F13A1: variants seen among roughly 807,000 people sequenced by gnomAD.
F13A1 encodes the protein FSF, A subunit.
F13A1 carries 47 observed loss-of-function variants against 80.1 expected under a neutral mutation model. That is an observed-to-expected ratio of 0.59 (90% CI 0.46 to 0.75). The LOEUF (loss-of-function observed/expected upper bound fraction) is 0.75, where lower values mean the gene tolerates loss of function less well. F13A1 is among the 30% of genes least tolerant of loss of function. F13A1 has a pLI of 0.00. For missense variants in F13A1, 817 were observed against 930.4 expected (o/e 0.88, Z 1.59); for synonymous variants, 349 against 344.9 (o/e 1.01, Z -0.13).
At chr6:6,163,542 C>G (rs1760609633) in intron 13 of F13A1, among the ~76,000 whole-genome samples, 1 of 152,200 alleles carries the variant, frequency 6.6e-6, no homozygotes, top group Admixed American at 6.5e-5. Flanking sequence ...CTCTATATAT[C>G]CACATGTTCC....
chr6:6,242,455 A>C (rs978490305), intron 6 of F13A1, among the ~76,000 whole-genome samples: 34 of 152,210 alleles, frequency 2.2e-4, no homozygotes, highest in African/African-American at 8.2e-4. Context: ...ATACATCTCA[A>C]GGGAAGCTGG....
chr6:6,237,916 C>G (rs557064501), intron 6 of F13A1, among the ~76,000 whole-genome samples: 1 of 152,098 alleles, frequency 6.6e-6, no homozygotes, highest in Non-Finnish European at 1.5e-5. Context: ...ATCAAGACAA[C>G]GGGACAGTTA....
At chr6:6,208,266 T>C (rs1761528841) in intron 8 of F13A1, among the ~76,000 whole-genome samples, 1 of 152,110 alleles carries the variant, frequency 6.6e-6, no homozygotes, top group Admixed American at 6.6e-5. Flanking sequence ...AATTCACTAG[T>C]TTCAACAGTA....
chr6:6,172,200 C>T (rs1760787863), intron 12 of F13A1, among the ~76,000 whole-genome samples: 1 of 152,150 alleles, frequency 6.6e-6, no homozygotes, highest in Admixed American at 6.5e-5. Context: ...TGAGGAGAGA[C>T]AGCTCAGAGT....
At chr6:6,153,163 A>G (rs72815071) in intron 13 of F13A1, among the ~76,000 whole-genome samples, 20,376 of 152,236 alleles carry the variant, frequency 0.13, 1,508 homozygotes, top group Middle Eastern at 0.17. Flanking sequence ...AATTTACTGG[A>G]TGTCTGGATC....
chr6:6,299,145 A>T (rs1247084251), intron 3 of F13A1, among the ~76,000 whole-genome samples: 1 of 141,342 alleles, frequency 7.1e-6, no homozygotes, highest in Non-Finnish European at 1.5e-5. Context: ...CTTCCCTTTG[A>T]GGGTAACCCA....
In F13A1 at chr6:6,174,558, AACC is replaced by A; in HGVS notation, c.1747+19_1747+21del. 6.2e-7 allele frequency: 1 copy of A among 1,613,898 alleles called. No individual in the cohort carries two copies. The highest frequency in any genetic ancestry group is 8.5e-7 in the Non-Finnish European group (1 of 1,179,902). On this transcript the variant is annotated intron_variant, in intron 12 of 14. Transcript: ENST00000264870. ...GGGCCAGACAGCGAGTCTCAGAAAG[AACC>A]ACACCATTGTTAGCTTACAGGACAA...
chr6:6,185,833 C>T (rs1013472960), intron 10 of F13A1, among the ~76,000 whole-genome samples: 1 of 152,212 alleles, frequency 6.6e-6, no homozygotes, highest in Non-Finnish European at 1.5e-5. Flanking sequence ...TTTACAGTCT[C>T]ATCAACAGTG....
chr6:6,150,387 G>A (rs1760353395), intron 14 of F13A1, among the ~76,000 whole-genome samples: 1 of 152,142 alleles, frequency 6.6e-6, no homozygotes, highest in Admixed American at 6.5e-5. Flanking sequence ...TTTCCTGTTA[G>A]CACAGGAAGG....
intron 3 of F13A1, among the ~76,000 whole-genome samples, chr6:6,296,485 G>C (rs1404898245): frequency 2.7e-5 from 4 of 149,410 alleles, no homozygotes; most frequent in South Asian, 2.1e-4. Flanking sequence ...TGGATTCCTA[G>C]GTATTTTATT....
Position 6,224,126 on chromosome 6 carries a change from G to C in F13A1, c.973+560C>G, listed in dbSNP as rs139796661. Among the ~76,000 whole-genome samples the C allele has an allele frequency of 6.6e-3, 1,008 of 152,282 alleles. 19 individuals carry two copies. The highest frequency in any genetic ancestry group is 0.023 in the African/African-American group (950 of 41,550). Reference sequence around the variant, plus strand: ...AAAACCAGAGGGGAAACTGGAGAGGGAAAGATTGTTCATTATGTTCTGATC... The same window carrying C: ...AAAACCAGAGGGGAAACTGGAGAGGCAAAGATTGTTCATTATGTTCTGATC... On this transcript the variant is annotated intron_variant, in intron 7 of 14. Transcript: ENST00000264870.
chr6:6,188,261 C>T (rs1284601177), intron 10 of F13A1, among the ~76,000 whole-genome samples: 2 of 151,768 alleles, frequency 1.3e-5, no homozygotes, highest in African/African-American at 2.4e-5. Flanking sequence ...TTGCCTTCTG[C>T]TAGCTTTTGA....
chr6:6,197,246 C>G lies in F13A1; in HGVS notation c.1193G>C (p.Ser398Thr). ...VGFGGWQAVD[S>T]TPQENSDGMY... ...ACCATCGCTATTTTCCTGGGGGGTG[C>G]TGTCCACAGCTTGCCAGCCTCCAAA... The change falls in exon 9 of 15, where the codon AGC (serine) becomes ACC (threonine). Residue 398 changes from serine (S) to threonine (T), a missense_variant. By Grantham distance (58) the Ser-to-Thr change is moderately conservative. Transcript: ENST00000264870. The G allele has an allele frequency of 6.2e-7, 1 of 1,614,154 alleles. No individual in the cohort carries two copies. Among genetic ancestry groups the G allele is most frequent in the Non-Finnish European group, 8.5e-7 (1 of 1,179,998 alleles).
At chr6:6,169,920 A>C (rs1352073006) in intron 12 of F13A1, among the ~76,000 whole-genome samples, 3 of 152,180 alleles carry the variant, frequency 2.0e-5, no homozygotes, top group Admixed American at 2.0e-4. Flanking sequence ...TGACTCTTTA[A>C]AGCTATGACC....
chr6:6,303,352 G>A (rs1289088122), intron 3 of F13A1, among the ~76,000 whole-genome samples: 1 of 152,018 alleles, frequency 6.6e-6, no homozygotes, highest in Non-Finnish European at 1.5e-5. Flanking sequence ...GATTCTAATT[G>A]GAAATGCATT....
At chr6:6,255,663 A>C (rs1757693951) in intron 4 of F13A1, among the ~76,000 whole-genome samples, 1 of 152,032 alleles carries the variant, frequency 6.6e-6, no homozygotes, top group Non-Finnish European at 1.5e-5. Context: ...GGAAGTGATA[A>C]ATTTAAGTGG....
chr6:6,222,291 G>T lies in F13A1; in HGVS notation c.974-120C>A. The T allele has an allele frequency of 3.0e-6, 4 of 1,334,886 alleles. 1 individual carries two copies. The South Asian group carries it at 4.9e-5, about 16-fold the overall frequency. The allele number at this position is 1,334,886 out of a possible 1,614,324, so 82.7% of individuals were successfully genotyped here. On this transcript the variant is annotated intron_variant, in intron 7 of 14. Transcript: ENST00000264870. ...CCAACATGAAAAGCCCTTTGGACAT[G>T]TTATTCTCAAATGTTCCATGCTGGA...
intron 10 of F13A1, 47 bp from the exon 11 acceptor site, chr6:6,182,188 T>C (rs1457436439): frequency 6.2e-7 from 1 of 1,609,242 alleles, no homozygotes; most frequent in Non-Finnish European, 8.5e-7. Context: ...ATGTCTGCTG[T>C]TGCCAAAGTC....
chr6:6,200,778 T>C (rs1323738407), intron 8 of F13A1, among the ~76,000 whole-genome samples: 1 of 152,040 alleles, frequency 6.6e-6, no homozygotes, highest in Non-Finnish European at 1.5e-5. Context: ...CCTGGACAGA[T>C]GTGGGAAGCA....
Sources: gnomAD v4.1 joint callset for allele counts (sites outside exome capture counted in the v4.1 genomes callset) on GRCh38, gnomAD v4.1.1 for gene constraint, MANE v1.5 for transcripts, NCBI Gene and HGNC (gene_info 2026-07-23, HGNC 2026-07-21) for gene names.